The following MACROD2 variants were observed in gnomAD, a reference collection of about 807,000 sequenced individuals.
MACROD2 encodes ADP-ribose glycohydrolase MACROD2.
MACROD2 carries 36 observed loss-of-function variants against 70.4 expected under a neutral mutation model. That is an observed-to-expected ratio of 0.51 (90% CI 0.39 to 0.68). The LOEUF (loss-of-function observed/expected upper bound fraction) is 0.68, where lower values mean the gene tolerates loss of function less well. Among genes scored for constraint, MACROD2 ranks in the 30% least tolerant of loss-of-function variants. The pLI, the probability that MACROD2 is intolerant of heterozygous loss-of-function variation, is 0.00. For synonymous variants in MACROD2, 172 were observed against 178.8 expected (o/e 0.96, Z 0.30); for missense variants, 496 against 538.4 (o/e 0.92, Z 0.78).
intron 7 of MACROD2, among the ~76,000 whole-genome samples, chr20:15,491,506 A>C (rs2047231584): frequency 6.6e-6 from 1 of 152,238 alleles, no homozygotes; most frequent in Admixed American, 6.5e-5. Flanking sequence ...AAAGAGAGAC[A>C]AAGAAAGGAA....
At chr20:15,163,562 T>G (rs1345229865) in intron 5 of MACROD2, among the ~76,000 whole-genome samples, 1 of 152,108 alleles carries the variant, frequency 6.6e-6, no homozygotes, top group Non-Finnish European at 1.5e-5. Flanking sequence ...AAATTAGAAA[T>G]TAATATTTTC....
At chr20:15,545,037 A>C (rs539491842) in intron 8 of MACROD2, among the ~76,000 whole-genome samples, 103 of 152,220 alleles carry the variant, frequency 6.8e-4, no homozygotes, top group South Asian at 6.0e-3. Flanking sequence ...GCTAATTTAT[A>C]CTCTGCTTTC....
At chr20:15,584,141 A>T (rs2048564389) in intron 8 of MACROD2, among the ~76,000 whole-genome samples, 1 of 152,262 alleles carries the variant, frequency 6.6e-6, no homozygotes, top group Non-Finnish European at 1.5e-5. Context: ...CTGCAACTTC[A>T]TTAAATTTAT....
intron 5 of MACROD2, among the ~76,000 whole-genome samples, chr20:14,951,186 A>C (rs115783831): frequency 1.3e-5 from 2 of 151,952 alleles, no homozygotes; most frequent in Non-Finnish European, 2.9e-5. Flanking sequence ...CCCTGAATGT[A>C]TGGTTTCTGT....
At chr20:15,762,590 A>T (rs2051453641) in intron 8 of MACROD2, among the ~76,000 whole-genome samples, 1 of 152,216 alleles carries the variant, frequency 6.6e-6, no homozygotes, top group South Asian at 2.1e-4. Flanking sequence ...AAAGAAGCAG[A>T]GTTAACAGCC....
intron 5 of MACROD2, chr20:14,934,070 C>T (rs2074319365): frequency 6.6e-6 from 1 of 152,138 alleles, no homozygotes; most frequent in Non-Finnish European, 1.5e-5. Context: ...AATTCCAGGC[C>T]ATCTGGCCCT....
chr20:14,448,356 G>C (rs2084206876), intron 3 of MACROD2, among the ~76,000 whole-genome samples: 1 of 151,942 alleles, frequency 6.6e-6, no homozygotes, highest in Admixed American at 6.6e-5. Context: ...GTTGGAAAGG[G>C]AAAAACTTTC....
intron 9 of MACROD2, among the ~76,000 whole-genome samples, chr20:15,883,627 A>G (rs2064785783): frequency 6.6e-6 from 1 of 152,030 alleles, no homozygotes; most frequent in Non-Finnish European, 1.5e-5. Context: ...AATTCTTAGA[A>G]GAGGGGCAGA....
chr20:15,388,326 T>C (rs1441579983), intron 6 of MACROD2, among the ~76,000 whole-genome samples: 1 of 152,148 alleles, frequency 6.6e-6, no homozygotes, highest in Non-Finnish European at 1.5e-5. Context: ...TGTTTTGGTC[T>C]GGAACGTGGA....
At chr20:15,732,401 A>G (rs895535951) in intron 8 of MACROD2, among the ~76,000 whole-genome samples, 6 of 152,162 alleles carry the variant, frequency 3.9e-5, no homozygotes, top group Non-Finnish European at 4.4e-5. Flanking sequence ...GGAGCAATGG[A>G]CATGGCATCC....
intron 5 of MACROD2, among the ~76,000 whole-genome samples, chr20:14,804,856 G>GGTGT (rs149551669): frequency 6.7e-6 from 1 of 150,062 alleles, no homozygotes; most frequent in Non-Finnish European, 1.5e-5. Flanking sequence ...GAGGTGTCCA[G>GGTGT]GTGTGTGTGT....
At chr20:15,143,974 A>C (rs2876395) in intron 5 of MACROD2, among the ~76,000 whole-genome samples, 85,514 of 146,170 alleles carry the variant, frequency 0.59, 25,323 homozygotes, top group East Asian at 0.65. Flanking sequence ...AAAAAAAAAA[A>C]ACCTCATAAT....
At chr20:15,657,460 C>G (rs456544) in intron 8 of MACROD2, among the ~76,000 whole-genome samples, 100,675 of 152,034 alleles carry the variant, frequency 0.66, 34,001 homozygotes, top group African/African-American at 0.79. Context: ...TAAATCAATA[C>G]CATTTCAGAC....
intron 8 of MACROD2, among the ~76,000 whole-genome samples, chr20:15,690,340 G>A (rs1267441195): frequency 6.6e-6 from 1 of 152,202 alleles, no homozygotes; most frequent in African/African-American, 2.4e-5. Flanking sequence ...ATGATTCTTA[G>A]GAATTTGATT....
intron 8 of MACROD2, among the ~76,000 whole-genome samples, chr20:15,761,203 G>A (rs568647080): frequency 5.1e-4 from 78 of 152,254 alleles, no homozygotes; most frequent in Non-Finnish European, 8.7e-4. Flanking sequence ...GCACCACCAG[G>A]TCCAGCTAAT....
At chr20:15,476,101 A>G (rs1600466925) in intron 7 of MACROD2, among the ~76,000 whole-genome samples, 1 of 152,368 alleles carries the variant, frequency 6.6e-6, no homozygotes, top group African/African-American at 2.4e-5. Flanking sequence ...AAGTTGTAAT[A>G]CAAAGATAAG....
chr20:14,303,447 C>T (rs960408211), intron 3 of MACROD2, among the ~76,000 whole-genome samples: 17 of 152,270 alleles, frequency 1.1e-4, no homozygotes, highest in Admixed American at 6.5e-4. Context: ...TGATAAATGT[C>T]GAGAAGAGCA....
intron 3 of MACROD2, among the ~76,000 whole-genome samples, chr20:14,492,148 G>T (rs539381280): frequency 6.6e-6 from 1 of 152,156 alleles, no homozygotes; most frequent in African/African-American, 2.4e-5. Context: ...TACCGTCTGT[G>T]TAAATATCAC....
At chr20:15,086,043 C>A (rs1344506052) in intron 5 of MACROD2, among the ~76,000 whole-genome samples, 1 of 152,038 alleles carries the variant, frequency 6.6e-6, no homozygotes, top group Non-Finnish European at 1.5e-5. Context: ...TGAATTAGAA[C>A]CTCGCTCTGG....
Sources: allele counts gnomAD v4.1 joint callset (sites outside exome capture counted in the v4.1 genomes callset), GRCh38; gene constraint gnomAD v4.1.1; transcripts MANE v1.5; gene names NCBI Gene and HGNC (gene_info 2026-07-23, HGNC 2026-07-21).